Variants in RABEPK observed in about 807,000 individuals in gnomAD.
RABEPK encodes the protein Rab9 effector protein with kelch motifs.
In RABEPK, 27 loss-of-function variants were observed where a neutral mutation model predicts 34.1. The ratio of observed to expected loss-of-function variants is 0.79; its 90% CI spans 0.58 to 1.09. RABEPK has a LOEUF of 1.09. Ranked by LOEUF, RABEPK falls within the 50% of genes least tolerant of loss-of-function variation. The probability of loss-of-function intolerance (pLI) is 0.00; values close to 1 mark genes in which losing one functional copy is unlikely to be tolerated. For missense variants in RABEPK, 449 were observed against 462.6 expected, an observed-to-expected ratio of 0.97 and a Z score of 0.27; for synonymous variants, 172 against 169.2, an observed-to-expected ratio of 1.02 and a Z score of -0.13.
chr9:125,220,769 G>A (rs1831276906), intron 5 of RABEPK, 69 bp downstream of exon 5: 1 of 1,485,768 alleles, frequency 6.7e-7, no homozygotes, highest in African/African-American at 1.4e-5. Context: ...AATATAGGAA[G>A]CAGAAGTTAG....
chr9:125,226,272 G>T (rs1325585697), intron 5 of RABEPK, among the ~76,000 whole-genome samples: 2 of 151,220 alleles, frequency 1.3e-5, no homozygotes, highest in African/African-American at 4.9e-5. Flanking sequence ...GGCGAAGATC[G>T]CACTTGTGCA....
At chr9:125,214,581 A>G (rs1409742709) in intron 4 of RABEPK, among the ~76,000 whole-genome samples, 1 of 152,162 alleles carries the variant, frequency 6.6e-6, no homozygotes, top group Admixed American at 6.6e-5. Flanking sequence ...TTTATTATAG[A>G]GGAAGCAGTT....
At chr9:125,222,870 C>T (rs1243835429) in intron 5 of RABEPK, among the ~76,000 whole-genome samples, 1 of 152,156 alleles carries the variant, frequency 6.6e-6, no homozygotes, top group Non-Finnish European at 1.5e-5. Context: ...CAGGGTCTCA[C>T]TGCATTGCCA....
At chr9:125,203,427 A>C (rs1323346899) in intron 2 of RABEPK, among the ~76,000 whole-genome samples, 2 of 152,198 alleles carry the variant, frequency 1.3e-5, no homozygotes, top group East Asian at 3.8e-4. Flanking sequence ...TTGTTCAAAC[A>C]ACCCTTTATT....
intron 6 of RABEPK, among the ~76,000 whole-genome samples, chr9:125,228,714 A>G (rs1035203699): frequency 6.6e-5 from 10 of 150,910 alleles, no homozygotes; most frequent in African/African-American, 2.4e-4. Context: ...CTGTAATCCC[A>G]GCACTTTGGG....
intron 2 of RABEPK, 90 bp downstream of exon 2, chr9:125,203,156 G>C: frequency 8.8e-7 from 1 of 1,137,988 alleles, no homozygotes. Context: ...TCAACAAAAA[G>C]GGGTAGAGAT....
At chr9:125,213,855 C>T (rs1830746011) in intron 4 of RABEPK, among the ~76,000 whole-genome samples, 1 of 152,064 alleles carries the variant, frequency 6.6e-6, no homozygotes. Context: ...GCATGGTGGC[C>T]CATGCCTGTA....
rs563552594 is a variant in RABEPK at position 125,200,619 on chromosome 9, G to A, written c.-294G>A. The A allele has an allele frequency of 3.0e-5, 14 of 461,014 alleles. No individual in the cohort carries two copies. The East Asian group carries it at 7.1e-4, about 23-fold the overall frequency. 28.6% of individuals were successfully genotyped at this position (461,014 alleles called of 1,614,324 possible). ...CTGGAGGGTAGGGGCGAGGGTCCCC[G>A]GATACCGGGTCTATCACGGTCTCGG... On this transcript the variant is annotated 5_prime_UTR_variant, in exon 1 of 8. Transcript: ENST00000373538.
chr9:125,218,321 C>CAAAAAAA (rs71374234), intron 4 of RABEPK, among the ~76,000 whole-genome samples: 17 of 41,162 alleles, frequency 4.1e-4, no homozygotes, highest in Admixed American at 1.0e-3. Flanking sequence ...GACTCCGTCT[C>CAAAAAAA]AAAAAAAAAA....
intron 6 of RABEPK, among the ~76,000 whole-genome samples, chr9:125,231,659 A>G (rs116762369): frequency 0.01 from 1,591 of 151,834 alleles, 36 homozygotes; most frequent in African/African-American, 0.035. Flanking sequence ...AAAATTAGCC[A>G]GACCCGGTGG....
intron 4 of RABEPK, among the ~76,000 whole-genome samples, chr9:125,213,842 C>T (rs1376275825): frequency 6.6e-6 from 1 of 152,154 alleles, no homozygotes; most frequent in Non-Finnish European, 1.5e-5. Flanking sequence ...CACAAGAGGC[C>T]GGGCATGGTG....
intron 1 of RABEPK, among the ~76,000 whole-genome samples, chr9:125,201,520 G>A (rs570665860): frequency 6.6e-6 from 1 of 152,294 alleles, no homozygotes; most frequent in East Asian, 1.9e-4. Flanking sequence ...GCTCACACCT[G>A]TAATCCCAGC....
Position 125,213,390 on chromosome 9 carries a change from G to A in RABEPK, c.232G>A (p.Asp78Asn). ...TCCAGGAAAACACCAGTGGGACTTA[G>A]ATACCTGCAAGGGCCTCTTGCCCCG... ...MDLGKHQWDL[D>N]TCKGLLPRYE... is the part of the protein sequence containing the mutation. The change falls in exon 4 of 8, where the codon GAT becomes AAT. Residue 78 changes from aspartate to asparagine, a missense_variant. By Grantham distance (23) the Asp-to-Asn change is conservative (BLOSUM62 1). Coordinates refer to ENST00000373538, the MANE Select transcript of RABEPK (RefSeq NM_005833.4). 6.2e-7 allele frequency: 1 copy of A among 1,612,792 alleles called. No individual in the cohort carries two copies. The highest frequency in any genetic ancestry group is 8.5e-7 in the Non-Finnish European group (1 of 1,179,604).
chr9:125,212,352 T>C (rs1201706397), intron 3 of RABEPK, among the ~76,000 whole-genome samples: 1 of 152,168 alleles, frequency 6.6e-6, no homozygotes, highest in African/African-American at 2.4e-5. Context: ...CCCAAGCAGC[T>C]GGGACTACAG....
At chr9:125,212,095 A>G (rs1231464657) in intron 3 of RABEPK, among the ~76,000 whole-genome samples, 2 of 152,226 alleles carry the variant, frequency 1.3e-5, no homozygotes, top group Non-Finnish European at 2.9e-5. Context: ...CATCTCAACC[A>G]TCTGGACCTC....
At chr9:125,204,335 A>T (rs892036898) in intron 2 of RABEPK, among the ~76,000 whole-genome samples, 2 of 152,034 alleles carry the variant, frequency 1.3e-5, no homozygotes, top group African/African-American at 4.8e-5. Flanking sequence ...TAATCCTAGC[A>T]CTTTGGGAGG....
chr9:125,201,412 G>C (rs140898618), intron 1 of RABEPK, among the ~76,000 whole-genome samples: 1 of 152,286 alleles, frequency 6.6e-6, no homozygotes, highest in East Asian at 1.9e-4. Flanking sequence ...AACAGCAGAA[G>C]GCCTTACTTT....
chr9:125,234,113 A>G lies in RABEPK; in HGVS notation c.*133A>G. On this transcript the variant is annotated 3_prime_UTR_variant, in exon 8 of 8. Coordinates refer to ENST00000373538, the MANE Select transcript of RABEPK (RefSeq NM_005833.4). Reference sequence around the variant, plus strand: ...CCTACTTTGGTAGGTGAAGAAACTAATGCAAATAATTCTTATGTGCACTAA... The same window carrying G: ...CCTACTTTGGTAGGTGAAGAAACTAGTGCAAATAATTCTTATGTGCACTAA... 1.1e-6 allele frequency: 1 copy of G among 948,940 alleles called. No individual in the cohort carries two copies. The highest frequency in any genetic ancestry group is 1.6e-6 in the Non-Finnish European group (1 of 626,214). The allele number at this position is 948,940 out of a possible 1,614,324, so 58.8% of individuals were successfully genotyped here.
At chr9:125,214,417 A>G (rs1265260552) in intron 4 of RABEPK, among the ~76,000 whole-genome samples, 1 of 152,200 alleles carries the variant, frequency 6.6e-6, no homozygotes, top group East Asian at 1.9e-4. Context: ...CAGTAGTGCC[A>G]AAGTTAAGAA....
Sources: gnomAD v4.1 joint callset for allele counts (sites outside exome capture counted in the v4.1 genomes callset) on GRCh38, gnomAD v4.1.1 for gene constraint, MANE v1.5 for transcripts, NCBI Gene and HGNC (gene_info 2026-07-23, HGNC 2026-07-21) for gene names.